Variants in ESRRG observed in about 807,000 individuals in gnomAD.
ESRRG encodes the protein estrogen-related receptor gamma.
Under a neutral mutation model 44.0 loss-of-function variants are expected in ESRRG, and 13 were observed. The ratio of observed to expected loss-of-function variants is 0.30; its 90% confidence interval spans 0.19 to 0.47. ESRRG has a LOEUF of 0.47. Among genes scored for constraint, ESRRG ranks in the 20% least tolerant of loss-of-function variants. The pLI, the probability that ESRRG is intolerant of heterozygous loss-of-function variation, is 1.00. For missense variants in ESRRG, 395 were observed against 580.6 expected, an observed-to-expected ratio of 0.68 and a Z score of 3.29; for synonymous variants, 215 against 214.6, an observed-to-expected ratio of 1.00 and a Z score of -0.02.
chr1:216,727,484 C>T (rs566041063), upstream of ESRRG, among the ~76,000 whole-genome samples: 2 of 152,178 alleles, frequency 1.3e-5, no homozygotes, highest in Admixed American at 1.3e-4. Flanking sequence ...CTCATTTCCT[C>T]ATCTGAAAAT....
intron 2 of ESRRG, among the ~76,000 whole-genome samples, chr1:216,821,713 T>TA (rs1436976300): frequency 1.9e-5 from 2 of 103,014 alleles, no homozygotes; most frequent in South Asian, 3.4e-4. Context: ...AATAAATAAA[T>TA]AAATAAATAA....
chr1:217,011,321 T>C (rs1401886367), intron 1 of ESRRG, among the ~76,000 whole-genome samples: 2 of 152,184 alleles, frequency 1.3e-5, no homozygotes, highest in Non-Finnish European at 2.9e-5. Context: ...AAATGAGAGT[T>C]GTCTGACATT....
intron 1 of ESRRG, among the ~76,000 whole-genome samples, chr1:216,987,444 G>A (rs372815038): frequency 6.6e-6 from 1 of 152,164 alleles, no homozygotes; most frequent in Non-Finnish European, 1.5e-5. Flanking sequence ...GAACGTTTGG[G>A]ATGTCTGAAT....
chr1:217,043,218 C>T (rs989342497), intron 1 of ESRRG, among the ~76,000 whole-genome samples: 2 of 152,124 alleles, frequency 1.3e-5, no homozygotes, highest in Admixed American at 6.5e-5. Context: ...AGGGCTATCA[C>T]ACCACATTCC....
At chr1:216,724,261 C>T (rs1283686669), upstream of ESRRG, among the ~76,000 whole-genome samples, 1 of 151,674 alleles carries the variant, frequency 6.6e-6, no homozygotes, top group Non-Finnish European at 1.5e-5. Flanking sequence ...AGCCGCAGGA[C>T]AAATTGGCTT....
intron 1 of ESRRG, among the ~76,000 whole-genome samples, chr1:217,097,220 C>A (rs1351187938): frequency 6.6e-6 from 1 of 152,034 alleles, no homozygotes. Context: ...TATCCCTTCT[C>A]CTTCAACCCA....
chr1:216,807,002 A>G (rs2094813856), intron 2 of ESRRG, among the ~76,000 whole-genome samples: 1 of 152,156 alleles, frequency 6.6e-6, no homozygotes, highest in Non-Finnish European at 1.5e-5. Context: ...CGTATGTGAT[A>G]GCTTGGCAAT....
At chr1:216,522,907 G>A (rs1437229616) in intron 5 of ESRRG, among the ~76,000 whole-genome samples, 1 of 152,120 alleles carries the variant, frequency 6.6e-6, no homozygotes, top group Non-Finnish European at 1.5e-5. Context: ...TTTAATGGTA[G>A]TTTATAGCTC....
chr1:216,960,025 T>C (rs2068723826), intron 1 of ESRRG, among the ~76,000 whole-genome samples: 1 of 152,066 alleles, frequency 6.6e-6, no homozygotes, highest in Non-Finnish European at 1.5e-5. Flanking sequence ...GGTTCCAGAG[T>C]CAGTATTTAA....
At chr1:216,702,762 G>C (rs2081643011) in intron 1 of ESRRG, among the ~76,000 whole-genome samples, 1 of 131,640 alleles carries the variant, frequency 7.6e-6, no homozygotes, top group Non-Finnish European at 1.5e-5. Context: ...GGGAAACAGA[G>C]CAAGACTCTG....
intron 1 of ESRRG, among the ~76,000 whole-genome samples, chr1:216,712,450 G>A (rs1055864086): frequency 6.6e-6 from 1 of 152,180 alleles, no homozygotes; most frequent in Non-Finnish European, 1.5e-5. Context: ...ATCAGCAGTA[G>A]TGGCGGTTTT....
intron 1 of ESRRG, among the ~76,000 whole-genome samples, chr1:217,008,615 A>T (rs549716677): frequency 6.6e-6 from 1 of 152,338 alleles, no homozygotes; most frequent in South Asian, 2.1e-4. Context: ...TAATGAATTA[A>T]ACCCCAAGGG....
intron 1 of ESRRG, among the ~76,000 whole-genome samples, chr1:216,721,958 C>T (rs897564397): frequency 1.3e-5 from 2 of 152,136 alleles, no homozygotes; most frequent in Non-Finnish European, 2.9e-5. Context: ...GCTAATATTC[C>T]CTGTGTGAGC....
At chr1:217,025,855 A>T (rs2150968616) in intron 1 of ESRRG, among the ~76,000 whole-genome samples, 1 of 152,324 alleles carries the variant, frequency 6.6e-6, no homozygotes, top group East Asian at 1.9e-4. Flanking sequence ...ATATAGTTAC[A>T]CTACCATTTA....
At chr1:216,732,469 C>T (rs578020587) in intron 2 of ESRRG, among the ~76,000 whole-genome samples, 1 of 151,872 alleles carries the variant, frequency 6.6e-6, no homozygotes, top group African/African-American at 2.4e-5. Context: ...CTCCACCTCC[C>T]GGATTCAAGC....
intron 2 of ESRRG, among the ~76,000 whole-genome samples, chr1:216,795,155 T>C (rs1363699709): frequency 2.0e-5 from 3 of 152,026 alleles, no homozygotes; most frequent in Non-Finnish European, 4.4e-5. Context: ...AAAATGTGAG[T>C]ACCGACCTGA....
intron 2 of ESRRG, among the ~76,000 whole-genome samples, chr1:216,925,485 A>G (rs895061686): frequency 7.9e-5 from 12 of 152,154 alleles, no homozygotes; most frequent in African/African-American, 2.9e-4. Context: ...GACAAGCGAG[A>G]CAGCAGCGGT....
chr1:216,518,213 T>C (rs1278498170), intron 6 of ESRRG, among the ~76,000 whole-genome samples: 2 of 152,092 alleles, frequency 1.3e-5, no homozygotes, highest in African/African-American at 2.4e-5. Context: ...GAAAACAAAC[T>C]GTCAATACCT....
Position 216,538,632 on chromosome 1 carries a change from G to C in ESRRG, c.863-19211C>G, listed in dbSNP as rs544380285. 3.3e-5 allele frequency among the ~76,000 whole-genome samples: 5 copies of C among 152,116 alleles called. No homozygotes were observed. The South Asian group carries it at 1.0e-3, about 32-fold the overall frequency. ...GAAAACGCAGCAAATGCATCCCCTA[G>C]TTTAAAAAGAACAAGCTAAAACCTC... On this transcript the variant is annotated intron_variant, in intron 5 of 6. Transcript: ENST00000408911.
Sources: gnomAD v4.1 joint callset for allele counts (sites outside exome capture counted in the v4.1 genomes callset) on GRCh38, gnomAD v4.1.1 for gene constraint, MANE v1.5 for transcripts, NCBI Gene and HGNC (gene_info 2026-07-23, HGNC 2026-07-21) for gene names.